The following CYBB variants were observed in gnomAD, a reference collection of about 807,000 sequenced individuals.
CYBB encodes NADPH oxidase 2.
CYBB carries 5 observed loss-of-function variants against 46.5 expected under a neutral mutation model. The ratio of observed to expected loss-of-function variants is 0.11; its 90% CI spans 0.06 to 0.23. The LOEUF (loss-of-function observed/expected upper bound fraction) is 0.23. Ranked by LOEUF, CYBB falls within the 10% of genes least tolerant of loss-of-function variation. The probability of loss-of-function intolerance (pLI) is 1.00; values close to 1 mark genes in which losing one functional copy is unlikely to be tolerated. For synonymous variants in CYBB, 183 were observed against 156.7 expected (o/e 1.17, Z -1.26); for missense variants, 307 against 428.3 (o/e 0.72, Z 2.50).
Position 37,803,973 on chromosome X carries a change from G to T in CYBB, c.994G>T (p.Val332Leu). The T allele has an allele frequency of 2.5e-6, 3 of 1,211,214 alleles. No individual in the cohort carries two copies. The highest frequency in any genetic ancestry group is 1.8e-5 in the South Asian group (1 of 56,967). ...ATACATTTTTGTCAAGTGCCCAAAG[G>T]TGTCCAAGCTGGAGTGGCACCCTTT... ...GQYIFVKCPK[V>L]SKLEWHPFTL... Residue 332 changes from valine to leucine, a missense_variant, in exon 9 of 13, where the codon GTG (valine) becomes TTG (leucine). By Grantham distance (32) the Val-to-Leu change is conservative. Coordinates refer to ENST00000378588, the MANE Select transcript of CYBB (RefSeq NM_000397.4).
intron 6 of CYBB, among the ~76,000 whole-genome samples, chrX:37,797,662 G>T (rs1435914335): frequency 1.8e-5 from 2 of 111,858 alleles, no homozygotes; most frequent in Non-Finnish European, 3.8e-5. Flanking sequence ...CTCTTACTTT[G>T]TGTCTGGCAT....
intron 6 of CYBB, among the ~76,000 whole-genome samples, chrX:37,797,464 C>T (rs1285836841): frequency 9.0e-6 from 1 of 111,730 alleles, no homozygotes; most frequent in African/African-American, 3.3e-5. Context: ...AGAGAATCTG[C>T]TCTTTACACT....
At chrX:37,791,858 A>G (rs1929203386) in intron 3 of CYBB, 117 bp from the exon 4 acceptor site, 2 of 546,539 alleles carry the variant, frequency 3.7e-6, no homozygotes, top group Admixed American at 2.5e-5. Context: ...AGATATAATG[A>G]TACAGTTTGC....
chrX:37,792,970 T>A (rs1556467399), intron 4 of CYBB, among the ~76,000 whole-genome samples: 1 of 109,499 alleles, frequency 9.1e-6, no homozygotes, highest in African/African-American at 3.3e-5. Context: ...CTTGATGACC[T>A]TGAACAAGGT....
intron 4 of CYBB, among the ~76,000 whole-genome samples, 176 bp downstream of exon 4, chrX:37,792,235 GATTTATTCCTTT>G (rs782756681): frequency 9.0e-6 from 1 of 111,181 alleles, no homozygotes; most frequent in African/African-American, 3.3e-5. Context: ...TCAATATTAG[GATTTATTCCTTT>G]AGGTTTTAAA....
intron 3 of CYBB, among the ~76,000 whole-genome samples, chrX:37,790,767 C>T (rs1014406012): frequency 1.8e-5 from 2 of 110,808 alleles, no homozygotes; most frequent in South Asian, 7.4e-4. Flanking sequence ...ATTAAACACC[C>T]CTATATTTAA....
intron 6 of CYBB, among the ~76,000 whole-genome samples, chrX:37,796,688 C>A (rs1156277787): frequency 2.7e-5 from 3 of 111,892 alleles, no homozygotes; most frequent in African/African-American, 9.7e-5. Flanking sequence ...TAGCAGCTAA[C>A]TTCTATTAAG....
chrX:37,783,338 T>C, intron 2 of CYBB, 152 bp from the exon 3 acceptor site: 1 of 485,977 alleles, frequency 2.1e-6, no homozygotes, highest in Non-Finnish European at 3.7e-6. Context: ...TAGCTAGCCC[T>C]AAAGGAAAAC....
At chrX:37,809,833 T>G in intron 12 of CYBB, 142 bp downstream of exon 12, 1 of 589,739 alleles carries the variant, frequency 1.7e-6, no homozygotes, top group Non-Finnish European at 2.6e-6. Context: ...CAACAGAAGA[T>G]TCCAGATATC....
chrX:37,799,219 C>A, intron 7 of CYBB, 135 bp downstream of exon 7: 1 of 601,385 alleles, frequency 1.7e-6, no homozygotes. Flanking sequence ...AAACATGTGT[C>A]TACTTTTCTC....
At chrX:37,810,393 A>G (rs1281882331) in intron 12 of CYBB, among the ~76,000 whole-genome samples, 5 of 111,970 alleles carry the variant, frequency 4.5e-5, no homozygotes, top group African/African-American at 1.6e-4. Context: ...AGGGCTTCAG[A>G]CTCTAAAATT....
intron 7 of CYBB, 147 bp from the exon 8 acceptor site, chrX:37,801,109 A>G (rs1028831270): frequency 6.1e-5 from 30 of 495,597 alleles, no homozygotes; most frequent in Non-Finnish European, 1.0e-4. Context: ...CATATATTCC[A>G]TTGTAGAAGA....
At chrX:37,799,712 G>C (rs1259253903) in intron 7 of CYBB, among the ~76,000 whole-genome samples, 1 of 111,311 alleles carries the variant, frequency 9.0e-6, no homozygotes, top group African/African-American at 3.3e-5. Flanking sequence ...AGCTCTGAAG[G>C]GTTCCATTTT....
chrX:37,806,417 C>A lies in CYBB; in HGVS notation c.1345C>A (p.His449Asn), dbSNP rs782399697. ...IYFYWLCRDT[H>N]AFEWFADLLQ... ...CTTCTACTGGCTGTGCCGGGACACACATGCCTTTGAGTGGTTTGCAGATCT... is the reference window on the plus strand; with the variant it reads ...CTTCTACTGGCTGTGCCGGGACACAAATGCCTTTGAGTGGTTTGCAGATCT... The change falls in exon 11 of 13, where the codon CAT becomes AAT. Residue 449 changes from histidine (H) to asparagine (N), a missense_variant. Coordinates refer to ENST00000378588, the MANE Select transcript of CYBB (RefSeq NM_000397.4). 1 of 1,210,759 alleles carries A rather than the reference C, an allele frequency of 8.3e-7. No individual in the cohort carries two copies. Among genetic ancestry groups the A allele is most frequent in the Non-Finnish European group, 1.1e-6 (1 of 894,735 alleles).
At chrX:37,788,261 C>T (rs1480409169) in intron 3 of CYBB, among the ~76,000 whole-genome samples, 1 of 111,586 alleles carries the variant, frequency 9.0e-6, no homozygotes, top group Non-Finnish European at 1.9e-5. Context: ...TTAAATTCGG[C>T]GTGCAGGAGC....
At chrX:37,809,228 A>G (rs1556472541) in intron 11 of CYBB, among the ~76,000 whole-genome samples, 1 of 112,268 alleles carries the variant, frequency 8.9e-6, no homozygotes, top group African/African-American at 3.2e-5. Flanking sequence ...ACAGTGAGAC[A>G]CTATTCATCC....
In CYBB at chrX:37,783,679, A is replaced by G. The variant is rs1929002301; in HGVS notation, c.252+79A>G. The G allele has an allele frequency of 4.8e-6, 3 of 630,562 alleles. No individual in the cohort carries two copies. The Admixed American group carries it at 7.4e-5, about 15-fold the overall frequency. 52.0% of individuals were successfully genotyped at this position (630,562 alleles called of 1,213,427 possible). A position where few individuals can be genotyped will look rare whatever the true frequency, so the allele number is the denominator to read the frequency against. On this transcript the variant is annotated intron_variant, in intron 3 of 12. Transcript: ENST00000378588. The stretch of plus-strand genomic sequence containing the variant: ...AATGCCCTTTTTTAGGTAAAAACAA[A>G]TGAATGATTTGGGAGGATTCCAGCT...
intron 8 of CYBB, among the ~76,000 whole-genome samples, chrX:37,803,480 G>T (rs183941898): frequency 1.5e-4 from 17 of 111,233 alleles, no homozygotes; most frequent in African/African-American, 5.5e-4. Flanking sequence ...ATAACTGCAT[G>T]CAGAAGGTTT....
intron 9 of CYBB, 26 bp downstream of exon 9, chrX:37,804,156 C>T (rs782796941): frequency 8.3e-6 from 10 of 1,202,777 alleles, no homozygotes; most frequent in South Asian, 5.3e-5. Context: ...ATATTACCAA[C>T]GTATATGAGT....
Sources: gnomAD v4.1 joint callset for allele counts (sites outside exome capture counted in the v4.1 genomes callset) on GRCh38, gnomAD v4.1.1 for gene constraint, MANE v1.5 for transcripts, NCBI Gene and HGNC (gene_info 2026-07-23, HGNC 2026-07-21) for gene names.